RIN2: variants seen among roughly 807,000 people sequenced by gnomAD.
RIN2 encodes the protein RAB5 interacting protein 2.
A neutral mutation model predicts 78.0 loss-of-function variants in RIN2; 36 were observed. The observed-to-expected ratio is 0.46, with a 90% confidence interval of 0.35 to 0.61. The LOEUF (loss-of-function observed/expected upper bound fraction) is 0.61, where lower values mean the gene tolerates loss of function less well. RIN2 is among the 20% of genes least tolerant of loss of function. The pLI, the probability that RIN2 is intolerant of heterozygous loss-of-function variation, is 0.00. For missense variants in RIN2, 1,087 were observed against 1,159.7 expected (o/e 0.94, Z 0.91); for synonymous variants, 466 against 466.8 (o/e 1.00, Z 0.02).
chr20:19,878,028 A>C lies in RIN2; in HGVS notation c.-36-11538A>C, dbSNP rs148016675. Among the ~76,000 whole-genome samples, 869 of 152,218 alleles carry C rather than the reference A, an allele frequency of 5.7e-3. 5 individuals are homozygous for C. The highest frequency in any genetic ancestry group is 0.024 in the Middle Eastern group (7 of 294). On this transcript the variant is annotated intron_variant, in intron 2 of 12. Transcript: ENST00000255006. Reference sequence around the variant, plus strand: ...GAGTAAGAGTGTCTCAAAAAAGAAAAATAGTAGCGGAAGCTGTGTCCATTC... The same window carrying C: ...GAGTAAGAGTGTCTCAAAAAAGAAACATAGTAGCGGAAGCTGTGTCCATTC...
At chr20:19,796,205 T>A (rs1459534983) in intron 1 of RIN2, among the ~76,000 whole-genome samples, 3 of 152,132 alleles carry the variant, frequency 2.0e-5, no homozygotes, top group Non-Finnish European at 2.9e-5. Flanking sequence ...AAATGAAGGA[T>A]TTGGTCCATA....
chr20:19,919,622 A>G (rs979397589), intron 3 of RIN2, among the ~76,000 whole-genome samples: 9 of 152,030 alleles, frequency 5.9e-5, no homozygotes, highest in African/African-American at 1.7e-4. Flanking sequence ...CCTGGCCAAC[A>G]TGGTGAAACC....
chr20:19,835,991 TG>T (rs1296994273), intron 2 of RIN2, among the ~76,000 whole-genome samples: 2 of 152,196 alleles, frequency 1.3e-5, no homozygotes, highest in Non-Finnish European at 2.9e-5. Context: ...TGGCTGCCTT[TG>T]TTCCTTTGGG....
At chr20:19,937,436 G>A (rs1170840966) in intron 4 of RIN2, among the ~76,000 whole-genome samples, 1 of 152,178 alleles carries the variant, frequency 6.6e-6, no homozygotes, top group Non-Finnish European at 1.5e-5. Context: ...CTCTGTGAGT[G>A]TGAGCTGGGA....
At chr20:19,853,137 G>GT (rs1469635609) in intron 2 of RIN2, among the ~76,000 whole-genome samples, 2 of 149,868 alleles carry the variant, frequency 1.3e-5, no homozygotes, top group African/African-American at 2.5e-5. Flanking sequence ...GCGGTGTTTG[G>GT]TTTTTTGTCC....
At chr20:19,913,565 A>G (rs988468186) in intron 3 of RIN2, among the ~76,000 whole-genome samples, 2 of 152,150 alleles carry the variant, frequency 1.3e-5, no homozygotes, top group African/African-American at 4.8e-5. Context: ...TTGAAACTCT[A>G]TCTATTAAAT....
chr20:19,972,666 G>A (rs553569195), intron 8 of RIN2, among the ~76,000 whole-genome samples: 1 of 152,324 alleles, frequency 6.6e-6, no homozygotes, highest in Non-Finnish European at 1.5e-5. Context: ...CACTCCCTGT[G>A]CCTGTACCTA....
intron 4 of RIN2, among the ~76,000 whole-genome samples, chr20:19,951,693 G>T (rs553502070): frequency 1.3e-5 from 2 of 152,112 alleles, no homozygotes; most frequent in Non-Finnish European, 2.9e-5. Flanking sequence ...GGTGGTGAAG[G>T]TATTGTTATT....
chr20:19,937,992 C>A (rs149646187), intron 4 of RIN2, among the ~76,000 whole-genome samples: 1 of 152,326 alleles, frequency 6.6e-6, no homozygotes, highest in East Asian at 1.9e-4. Context: ...TGCCCACCTC[C>A]CGTCCTGTCT....
At chr20:19,882,598 G>T (rs1051587331) in intron 2 of RIN2, among the ~76,000 whole-genome samples, 5 of 152,158 alleles carry the variant, frequency 3.3e-5, no homozygotes, top group Admixed American at 6.5e-5. Context: ...TGGCTTCTTT[G>T]TCCATGGGAT....
At chr20:19,896,789 C>T (rs1052527564) in intron 3 of RIN2, among the ~76,000 whole-genome samples, 1 of 152,126 alleles carries the variant, frequency 6.6e-6, no homozygotes, top group Admixed American at 6.5e-5. Flanking sequence ...CCATAGAAAA[C>T]AATGTAAGCC....
rs539268809 is a variant in RIN2 at position 19,911,051 on chromosome 20, T to C, written c.57+21393T>C. Among the ~76,000 whole-genome samples the C allele has an allele frequency of 2.2e-3, 299 of 137,780 alleles. 1 individual carries two copies. The highest frequency in any genetic ancestry group is 3.7e-3 in the Non-Finnish European group (247 of 66,262). 90.4% of individuals were successfully genotyped at this position (137,780 alleles called of 152,430 possible). A position where few individuals can be genotyped will look rare whatever the true frequency, so the allele number is the denominator to read the frequency against. ...ACACATATGCAGAATTATATAAATA[T>C]GTAAATTTTTTTTTTTGAGACAAAG... On this transcript the variant is annotated intron_variant, in intron 3 of 12. Transcript: ENST00000255006.
At position 19,925,035 on chromosome 20, in the gene RIN2, G is replaced by A. The variant is rs13040019; in HGVS notation, c.58-10064G>A. ...ATTACAGGCGTGAGCCACTGCGCCC[G>A]GCCTCCCCCACCTCTTTGTGCTCCT... is the stretch of plus-strand genomic sequence containing the variant. On this transcript the variant is annotated intron_variant, in intron 3 of 12. Coordinates refer to ENST00000255006, the MANE Select transcript of RIN2 (RefSeq NM_018993.4). Among the ~76,000 whole-genome samples, 910 of 150,394 alleles carry A rather than the reference G, an allele frequency of 6.1e-3. 7 individuals are homozygous for A. Among genetic ancestry groups the A allele is most frequent in the Middle Eastern group, 0.025 (7 of 284 alleles).
At chr20:19,772,387 C>T (rs1289090064) in intron 1 of RIN2, among the ~76,000 whole-genome samples, 1 of 152,168 alleles carries the variant, frequency 6.6e-6, no homozygotes, top group Non-Finnish European at 1.5e-5. Context: ...TCAAGGTCAC[C>T]GATGACCCCC....
intron 2 of RIN2, among the ~76,000 whole-genome samples, chr20:19,846,665 C>T (rs557272065): frequency 3.3e-5 from 5 of 152,342 alleles, no homozygotes; most frequent in African/African-American, 1.2e-4. Context: ...CATCTGCAAA[C>T]ACAGACTATT....
chr20:19,999,116 A>G (rs2043060706), intron 12 of RIN2, among the ~76,000 whole-genome samples: 1 of 151,968 alleles, frequency 6.6e-6, no homozygotes, highest in Non-Finnish European at 1.5e-5. Context: ...GGCCACAGAC[A>G]CAGAGGTCTT....
intron 1 of RIN2, among the ~76,000 whole-genome samples, chr20:19,788,782 G>C (rs1354513023): frequency 6.6e-6 from 1 of 152,038 alleles, no homozygotes; most frequent in African/African-American, 2.4e-5. Context: ...GACCTAAATA[G>C]ATAGAAGGAC....
Position 19,975,640 on chromosome 20 carries a change from TTCCTGCAGGAGAACAAGGAGTGCCACGTG to T in RIN2, c.1619_1647del (p.Leu540GlnfsTer35). 6.2e-7 allele frequency: 1 copy of T among 1,613,792 alleles called. No homozygotes were observed. The highest frequency in any genetic ancestry group is 8.5e-7 in the Non-Finnish European group (1 of 1,179,888). On this transcript the variant is annotated frameshift_variant, in exon 9 of 13. Transcript: ENST00000255006. LOFTEE classifies it high-confidence loss of function. The surrounding 1 kb of genome is among the most constrained non-coding windows in gnomAD (Gnocchi z 4.9). ...GTGCTTAGTGCAGGACTACGTGAGCTTCCTGCAGGAGAACAAGGAGTGCCACGTGTCCAGCACCGACATGCTGCAGACCA... is the reference window on the plus strand; with the variant it reads ...GTGCTTAGTGCAGGACTACGTGAGCTTCCAGCACCGACATGCTGCAGACCA...
At chr20:19,909,774 T>G (rs970693693) in intron 3 of RIN2, among the ~76,000 whole-genome samples, 2 of 152,238 alleles carry the variant, frequency 1.3e-5, no homozygotes, top group African/African-American at 4.8e-5. Flanking sequence ...CTGTGTGGTT[T>G]CCAGGGCTCA....
Sources: gnomAD v4.1 joint callset for allele counts (sites outside exome capture counted in the v4.1 genomes callset) on GRCh38, gnomAD v4.1.1 for gene constraint, Gnocchi (gnomAD v3.1) non-coding constraint, MANE v1.5 for transcripts, NCBI Gene and HGNC (gene_info 2026-07-23, HGNC 2026-07-21) for gene names.